EFHD1: variants seen among roughly 807,000 people sequenced by gnomAD.
The protein encoded by EFHD1 is EF-hand domain-containing protein D1.
In EFHD1, 10 loss-of-function variants were observed where a neutral mutation model predicts 17.2. The ratio of observed to expected loss-of-function variants is 0.58; its 90% CI spans 0.36 to 0.99. The LOEUF (loss-of-function observed/expected upper bound fraction) is 0.99, where lower values mean the gene tolerates loss of function less well. Among genes scored for constraint, EFHD1 ranks in the 50% least tolerant of loss-of-function variants. The pLI is 0.01. For synonymous variants in EFHD1, 153 were observed against 142.0 expected, an observed-to-expected ratio of 1.08 and a Z score of -0.55; for missense variants, 310 against 327.5, an observed-to-expected ratio of 0.95 and a Z score of 0.41.
intron 1 of EFHD1, chr2:232,638,301 C>T: frequency 2.1e-6 from 1 of 468,668 alleles, no homozygotes; most frequent in South Asian, 1.6e-5. Context: ...TCTTAAAATG[C>T]AGCCGCAAGG....
chr2:232,649,446 T>C (rs1000444337), intron 1 of EFHD1, among the ~76,000 whole-genome samples: 13 of 152,168 alleles, frequency 8.5e-5, no homozygotes, highest in African/African-American at 4.8e-5. Context: ...CACTCAGGAA[T>C]GGCTTTGTGG....
chr2:232,612,354 A>G (rs1388868121), intron 1 of EFHD1, among the ~76,000 whole-genome samples: 1 of 152,218 alleles, frequency 6.6e-6, no homozygotes, highest in East Asian at 1.9e-4. Context: ...ACTGGGAGAA[A>G]ATATTCACAA....
At chr2:232,666,390 T>G (rs1305431202) in intron 2 of EFHD1, among the ~76,000 whole-genome samples, 1 of 152,016 alleles carries the variant, frequency 6.6e-6, no homozygotes, top group Non-Finnish European at 1.5e-5. Flanking sequence ...ACCCCTGGAG[T>G]ATAGAAGGCA....
At chr2:232,653,309 A>G (rs1393710606) in intron 1 of EFHD1, among the ~76,000 whole-genome samples, 1 of 150,504 alleles carries the variant, frequency 6.6e-6, no homozygotes, top group Non-Finnish European at 1.5e-5. Context: ...TTCTTTTTTC[A>G]AGATGGAGTC....
intron 1 of EFHD1, among the ~76,000 whole-genome samples, chr2:232,659,163 C>A (rs1441708302): frequency 6.6e-6 from 1 of 152,146 alleles, no homozygotes; most frequent in South Asian, 2.1e-4. Context: ...AGCTCACCAA[C>A]AGCCACCCAG....
intron 2 of EFHD1, among the ~76,000 whole-genome samples, chr2:232,664,299 C>A (rs1166617708): frequency 6.6e-6 from 1 of 151,226 alleles, no homozygotes; most frequent in Non-Finnish European, 1.5e-5. Context: ...CCACCATGCC[C>A]GGCTAATTGA....
chr2:232,607,672 C>G (rs1693744867), intron 1 of EFHD1, among the ~76,000 whole-genome samples: 3 of 151,780 alleles, frequency 2.0e-5, no homozygotes, highest in Admixed American at 2.0e-4. Context: ...GAGAGAATAG[C>G]TTAAGCCCAG....
At chr2:232,607,714 A>C (rs1470448028) in intron 1 of EFHD1, among the ~76,000 whole-genome samples, 2 of 151,856 alleles carry the variant, frequency 1.3e-5, no homozygotes, top group Non-Finnish European at 2.9e-5. Flanking sequence ...TGATTGGGCC[A>C]CTGCACTCCA....
chr2:232,652,875 GA>G (rs779445745), intron 1 of EFHD1, among the ~76,000 whole-genome samples: 1 of 152,184 alleles, frequency 6.6e-6, no homozygotes, highest in Non-Finnish European at 1.5e-5. Flanking sequence ...GGGTCACTTT[GA>G]AGAGAGAAAG....
At chr2:232,661,413 C>T (rs895157359) in intron 1 of EFHD1, among the ~76,000 whole-genome samples, 1 of 152,110 alleles carries the variant, frequency 6.6e-6, no homozygotes, top group African/African-American at 2.4e-5. Flanking sequence ...ACAGCATTTG[C>T]CTTTCTGTGG....
intron 1 of EFHD1, among the ~76,000 whole-genome samples, chr2:232,639,030 T>C (rs567613131): frequency 7.2e-5 from 11 of 152,292 alleles, no homozygotes; most frequent in African/African-American, 2.2e-4. Context: ...CTGCTTTTAC[T>C]TGCCAGCACG....
At chr2:232,667,193 A>T (rs1311976377) in intron 2 of EFHD1, among the ~76,000 whole-genome samples, 1 of 152,090 alleles carries the variant, frequency 6.6e-6, no homozygotes, top group Non-Finnish European at 1.5e-5. Context: ...GCAGACGAAT[A>T]CAGTGGCCCC....
chr2:232,662,224 C>T (rs959900709), intron 1 of EFHD1, among the ~76,000 whole-genome samples: 3 of 152,016 alleles, frequency 2.0e-5, no homozygotes, highest in Non-Finnish European at 2.9e-5. Context: ...TTGGTAGACA[C>T]GGCCGTTCAG....
chr2:232,667,903 A>AACAAGTTTATTCCTGTC, intron 2 of EFHD1, among the ~76,000 whole-genome samples: 1 of 152,254 alleles, frequency 6.6e-6, no homozygotes, highest in East Asian at 1.9e-4. Flanking sequence ...TGCTTAAGTG[A>AACAAGTTTATTCCTGTC]ACAAGTTTAT....
chr2:232,667,951 G>C (rs935085657), intron 2 of EFHD1, among the ~76,000 whole-genome samples: 1 of 152,310 alleles, frequency 6.6e-6, no homozygotes, highest in Middle Eastern at 3.4e-3. Context: ...AACTAATACC[G>C]TGGGAGTGTT....
chr2:232,607,357 G>A (rs1693736876), intron 1 of EFHD1, among the ~76,000 whole-genome samples: 1 of 151,638 alleles, frequency 6.6e-6, no homozygotes, highest in Non-Finnish European at 1.5e-5. Context: ...GGGCCGAGGC[G>A]GGTGGGGATC....
chr2:232,624,837 C>G (rs1694080058), intron 1 of EFHD1, among the ~76,000 whole-genome samples: 1 of 152,134 alleles, frequency 6.6e-6, no homozygotes, highest in Non-Finnish European at 1.5e-5. Context: ...CTTACAGCCT[C>G]TGTTTTTCAG....
chr2:232,643,186 G>T (rs1694463977), intron 1 of EFHD1, among the ~76,000 whole-genome samples: 1 of 150,884 alleles, frequency 6.6e-6, no homozygotes, highest in Non-Finnish European at 1.5e-5. Flanking sequence ...TAACCAGCTA[G>T]AAGTGAAAAA....
At chr2:232,628,007 A>G (rs1186031501) in intron 1 of EFHD1, among the ~76,000 whole-genome samples, 2 of 152,212 alleles carry the variant, frequency 1.3e-5, no homozygotes, top group Non-Finnish European at 2.9e-5. Context: ...AGGAAGAAAC[A>G]TGGAATGAAG....
Sources: gnomAD v4.1 joint callset for allele counts (sites outside exome capture counted in the v4.1 genomes callset) on GRCh38, gnomAD v4.1.1 for gene constraint, MANE v1.5 for transcripts, NCBI Gene and HGNC (gene_info 2026-07-23, HGNC 2026-07-21) for gene names.